The following RAPGEF4 variants were observed in gnomAD, a reference collection of about 807,000 sequenced individuals.
RAPGEF4 encodes Rap guanine nucleotide exchange factor 4.
In RAPGEF4, 66 loss-of-function variants were observed where a neutral mutation model predicts 147.9. That is an observed-to-expected ratio of 0.45 (90% CI 0.37 to 0.55). The LOEUF is 0.55. RAPGEF4 is among the 20% of genes least tolerant of loss of function. The pLI is 0.00. For missense variants in RAPGEF4, 1,071 were observed against 1,257.3 expected, an observed-to-expected ratio of 0.85 and a Z score of 2.24; for synonymous variants, 419 against 442.7, an observed-to-expected ratio of 0.95 and a Z score of 0.67.
intron 6 of RAPGEF4, among the ~76,000 whole-genome samples, chr2:172,948,954 A>G (rs1253426779): frequency 6.6e-6 from 1 of 152,222 alleles, no homozygotes; most frequent in East Asian, 1.9e-4. Context: ...TGAACTTAAA[A>G]GTTTTTAAAA....
At chr2:172,772,112 G>A (rs548732338) in intron 1 of RAPGEF4, among the ~76,000 whole-genome samples, 3 of 152,004 alleles carry the variant, frequency 2.0e-5, no homozygotes, top group Non-Finnish European at 2.9e-5. Flanking sequence ...GGTGGCATAC[G>A]CCTGTAGTCT....
intron 4 of RAPGEF4, among the ~76,000 whole-genome samples, chr2:172,841,898 A>C (rs1275019372): frequency 1.3e-5 from 2 of 152,130 alleles, no homozygotes; most frequent in East Asian, 3.8e-4. Flanking sequence ...AAAACTTGAA[A>C]AGTGTGAATT....
intron 3 of RAPGEF4, among the ~76,000 whole-genome samples, chr2:172,812,544 G>A (rs1453633358): frequency 1.3e-5 from 2 of 152,130 alleles, no homozygotes; most frequent in African/African-American, 4.8e-5. Flanking sequence ...TGTACTGTTT[G>A]GTGACAAACT....
intron 4 of RAPGEF4, among the ~76,000 whole-genome samples, chr2:172,861,338 A>G (rs1055936665): frequency 2.6e-5 from 4 of 152,264 alleles, no homozygotes; most frequent in Non-Finnish European, 5.9e-5. Context: ...GAATGAAATT[A>G]GTGACCACAT....
At chr2:172,962,797 G>A (rs1689432192) in intron 8 of RAPGEF4, among the ~76,000 whole-genome samples, 1 of 152,014 alleles carries the variant, frequency 6.6e-6, no homozygotes, top group Admixed American at 6.6e-5. Context: ...CCCTTTTTAT[G>A]TTGATATTAA....
At chr2:173,000,746 C>CTTTTTTTTTTTTTT (rs869055162) in intron 16 of RAPGEF4, among the ~76,000 whole-genome samples, 5 of 72,790 alleles carry the variant, frequency 6.9e-5, no homozygotes, top group Admixed American at 1.3e-4. Context: ...TCTTTTCTTT[C>CTTTTTTTTTTTTTT]TTTCTTTTTT....
intron 4 of RAPGEF4, among the ~76,000 whole-genome samples, chr2:172,879,275 A>G (rs1696332186): frequency 6.6e-6 from 1 of 152,214 alleles, no homozygotes; most frequent in Non-Finnish European, 1.5e-5. Flanking sequence ...TATCTCCAAG[A>G]CACACTGCTA....
chr2:172,979,827 G>A (rs538898765), intron 10 of RAPGEF4, among the ~76,000 whole-genome samples: 1 of 152,258 alleles, frequency 6.6e-6, no homozygotes, highest in African/African-American at 2.4e-5. Flanking sequence ...GACCAGCCTG[G>A]CCAATATGGT....
At chr2:173,039,753 C>T (rs1684517945) in intron 29 of RAPGEF4, among the ~76,000 whole-genome samples, 1 of 152,134 alleles carries the variant, frequency 6.6e-6, no homozygotes, top group South Asian at 2.1e-4. Flanking sequence ...ATTCATATAT[C>T]CCACTGAAAG....
intron 6 of RAPGEF4, among the ~76,000 whole-genome samples, chr2:172,926,896 T>C (rs1002286219): frequency 2.6e-5 from 4 of 152,160 alleles, no homozygotes; most frequent in African/African-American, 9.7e-5. Context: ...TAGGCAGTTA[T>C]AGTATTGATA....
intron 4 of RAPGEF4, among the ~76,000 whole-genome samples, chr2:172,851,422 G>A (rs72906196): frequency 0.016 from 2,428 of 152,180 alleles, 22 homozygotes; most frequent in South Asian, 0.034. Context: ...GTTGTTTTGG[G>A]GTGGAGAGTT....
At chr2:173,032,141 C>T (rs1268029598) in intron 26 of RAPGEF4, among the ~76,000 whole-genome samples, 2 of 152,184 alleles carry the variant, frequency 1.3e-5, no homozygotes, top group African/African-American at 2.4e-5. Context: ...GGAGCACACA[C>T]ACTCTCTCAG....
chr2:172,762,620 G>A (rs962218292), intron 1 of RAPGEF4, among the ~76,000 whole-genome samples: 3 of 152,194 alleles, frequency 2.0e-5, no homozygotes, highest in African/African-American at 7.2e-5. Flanking sequence ...GACAGAAGAA[G>A]AGGTGGCCAA....
intron 4 of RAPGEF4, among the ~76,000 whole-genome samples, chr2:172,842,822 A>G (rs1395350315): frequency 1.3e-5 from 2 of 152,192 alleles, no homozygotes; most frequent in Admixed American, 6.5e-5. Flanking sequence ...AACATCTTCA[A>G]GTCACACTGT....
At chr2:172,746,185 T>C (rs1694748605) in intron 1 of RAPGEF4, among the ~76,000 whole-genome samples, 1 of 152,244 alleles carries the variant, frequency 6.6e-6, no homozygotes, top group African/African-American at 2.4e-5. Context: ...TGAAGAGTAA[T>C]AAGACTTTGG....
intron 4 of RAPGEF4, among the ~76,000 whole-genome samples, chr2:172,868,870 G>A (rs1263754478): frequency 6.6e-6 from 1 of 152,206 alleles, no homozygotes; most frequent in East Asian, 1.9e-4. Flanking sequence ...AGGGCCTCAG[G>A]AAGCTTGCAA....
chr2:172,742,409 C>T (rs557009436), intron 1 of RAPGEF4, among the ~76,000 whole-genome samples: 3 of 152,102 alleles, frequency 2.0e-5, no homozygotes, highest in African/African-American at 7.2e-5. Flanking sequence ...TTCATTGTAC[C>T]TCCATGCAGT....
chr2:172,819,036 A>G (rs934987919), intron 4 of RAPGEF4, among the ~76,000 whole-genome samples: 1 of 152,212 alleles, frequency 6.6e-6, no homozygotes, highest in South Asian at 2.1e-4. Flanking sequence ...AATATATCAA[A>G]TAAAATAAAT....
chr2:172,905,168 T>C (rs754019414), intron 4 of RAPGEF4, among the ~76,000 whole-genome samples: 3 of 152,150 alleles, frequency 2.0e-5, no homozygotes, highest in Non-Finnish European at 2.9e-5. Context: ...CAAATCTGAA[T>C]TTGCCCTCTC....
Sources: gnomAD v4.1 joint callset for allele counts (sites outside exome capture counted in the v4.1 genomes callset) on GRCh38, gnomAD v4.1.1 for gene constraint, MANE v1.5 for transcripts, NCBI Gene and HGNC (gene_info 2026-07-23, HGNC 2026-07-21) for gene names.